The following DUSP5 variants were observed in gnomAD, a reference collection of about 807,000 sequenced individuals.
DUSP5 encodes dual specificity protein phosphatase 5.
DUSP5 carries 22 observed loss-of-function variants against 33.6 expected under a neutral mutation model. The ratio of observed to expected loss-of-function variants is 0.66; its 90% CI spans 0.47 to 0.94. DUSP5 has a LOEUF of 0.94. DUSP5 is among the 40% of genes least tolerant of loss of function. DUSP5 has a pLI of 0.00. For missense variants in DUSP5, 551 were observed against 522.1 expected (o/e 1.06, Z -0.54); for synonymous variants, 270 against 231.1 (o/e 1.17, Z -1.53).
intron 1 of DUSP5, among the ~76,000 whole-genome samples, chr10:110,499,734 G>T (rs1860017597): frequency 6.6e-6 from 1 of 152,160 alleles, no homozygotes; most frequent in African/African-American, 2.4e-5. Flanking sequence ...ATCCCCCAGG[G>T]GATAGAGGGT....
chr10:110,509,938 C>T (rs1308811520), intron 3 of DUSP5, 82 bp from the exon 4 acceptor site: 1 of 1,503,848 alleles, frequency 6.6e-7, no homozygotes, highest in Non-Finnish European at 8.9e-7. Context: ...ATCTAGGTTA[C>T]TCCAGTGTTT....
intron 1 of DUSP5, among the ~76,000 whole-genome samples, chr10:110,500,314 C>T (rs536891540): frequency 2.0e-5 from 3 of 152,294 alleles, no homozygotes; most frequent in South Asian, 4.1e-4. Context: ...CCAAGCAATG[C>T]GGTAGATGTC....
In DUSP5 at chr10:110,510,724, T is replaced by G; in HGVS notation, c.*298T>G. ...TGCACCTCAGAGTTCGCCTTTTCAT[T>G]TCAAGCATAAGGCAATAAATACCTG... On this transcript the variant is annotated 3_prime_UTR_variant, in exon 4 of 4. Coordinates refer to ENST00000369583, the MANE Select transcript of DUSP5 (RefSeq NM_004419.4). 1 of 316,616 alleles carries G rather than the reference T, an allele frequency of 3.2e-6. No individual in the cohort carries two copies. 19.6% of individuals were successfully genotyped at this position (316,616 alleles called of 1,614,324 possible). A position where few individuals can be genotyped will look rare whatever the true frequency, so the allele number is the denominator to read the frequency against.
At chr10:110,502,234 C>G (rs1860060960) in intron 1 of DUSP5, among the ~76,000 whole-genome samples, 1 of 152,116 alleles carries the variant, frequency 6.6e-6, no homozygotes, top group Admixed American at 6.5e-5. Context: ...GAAATGAAAC[C>G]TCGTATCAGC....
chr10:110,510,311 C>A lies in DUSP5; in HGVS notation c.1040C>A (p.Pro347His). The change falls in exon 4 of 4, where the codon CCT (proline) becomes CAT (histidine). Residue 347 changes from proline (P) to histidine (H), a missense_variant. By Grantham distance (77) the Pro-to-His change is moderately conservative. Transcript: ENST00000369583. Reference sequence around the variant, plus strand: ...ATAGGCCATTTGCAGACACTGAGCCCTGACATGCAGGGTGCCTACTGCACA... The same window carrying A: ...ATAGGCCATTTGCAGACACTGAGCCATGACATGCAGGGTGCCTACTGCACA... ...SLIGHLQTLS[P>H]DMQGAYCTFP... is the part of the protein sequence containing the mutation. 1 of 1,614,226 alleles carries A rather than the reference C, an allele frequency of 6.2e-7. No individual in the cohort carries two copies. The highest frequency in any genetic ancestry group is 8.5e-7 in the Non-Finnish European group (1 of 1,180,038).
intron 3 of DUSP5, among the ~76,000 whole-genome samples, chr10:110,508,207 C>G (rs749527616): frequency 2.6e-5 from 4 of 152,184 alleles, no homozygotes; most frequent in Non-Finnish European, 4.4e-5. Context: ...CGAGCCTGTC[C>G]TGCTTGTCCC....
chr10:110,498,794 C>T (rs1859998631), intron 1 of DUSP5, among the ~76,000 whole-genome samples: 1 of 152,044 alleles, frequency 6.6e-6, no homozygotes, highest in South Asian at 2.1e-4. Context: ...GCCGTCGGCT[C>T]GTGCCGGGCA....
intron 1 of DUSP5, among the ~76,000 whole-genome samples, chr10:110,501,819 GA>G (rs1296212925): frequency 6.6e-6 from 1 of 152,176 alleles, no homozygotes; most frequent in African/African-American, 2.4e-5. Context: ...CTTCCCCACT[GA>G]AATGGGCCCA....
chr10:110,498,990 C>T (rs909019794), intron 1 of DUSP5, among the ~76,000 whole-genome samples: 3 of 152,212 alleles, frequency 2.0e-5, no homozygotes, highest in African/African-American at 4.8e-5. Context: ...CCTTTTTGAC[C>T]TGGCGAGTCC....
rs1389987367 is a variant in DUSP5, at chr10:110,511,516, A to G, written c.*1090A>G. ...TTGTTGTTCTTGTTTTTTATAGTGT[A>G]AAATAAAAATAGTAAAAGGAGAAAA... On this transcript the variant is annotated 3_prime_UTR_variant, in exon 4 of 4. Coordinates refer to ENST00000369583, the MANE Select transcript of DUSP5 (RefSeq NM_004419.4). 1 of 152,616 alleles carries G rather than the reference A, an allele frequency of 6.6e-6. No individual in the cohort carries two copies. Among genetic ancestry groups the G allele is most frequent in the Non-Finnish European group, 1.5e-5 (1 of 68,044 alleles). The allele number at this position is 152,616 out of a possible 1,614,324, so 9.5% of individuals were successfully genotyped here.
Position 110,498,333 on chromosome 10 carries a change from C to T in DUSP5, c.212C>T (p.Ala71Val). Reference protein sequence around the residue: ...SARYVLPDEAARARLLQEGGG... With the variant: ...SARYVLPDEAVRARLLQEGGG... Reference sequence around the variant, plus strand: ...CGCTACGTGCTGCCCGACGAGGCGGCGCGCGCGCGGCTCCTGCAGGAGGGC... The same window carrying T: ...CGCTACGTGCTGCCCGACGAGGCGGTGCGCGCGCGGCTCCTGCAGGAGGGC... Residue 71 changes from alanine to valine, a missense_variant, in exon 1 of 4, where the codon GCG becomes GTG. Ala to Val is a moderately conservative substitution (Grantham distance 64). Transcript: ENST00000369583. 1 of 1,326,978 alleles carries T rather than the reference C, an allele frequency of 7.5e-7. No individual in the cohort carries two copies. Among genetic ancestry groups the T allele is most frequent in the Non-Finnish European group, 9.6e-7 (1 of 1,042,108 alleles). The allele number at this position is 1,326,978 out of a possible 1,614,324, so 82.2% of individuals were successfully genotyped here.
intron 2 of DUSP5, among the ~76,000 whole-genome samples, chr10:110,506,413 C>T (rs558933201): frequency 3.3e-5 from 5 of 151,916 alleles, no homozygotes; most frequent in South Asian, 2.1e-4. Flanking sequence ...GCCTGGGTGA[C>T]GGAGCAAGAC....
chr10:110,500,681 T>C (rs998239668), intron 1 of DUSP5, among the ~76,000 whole-genome samples: 2 of 152,194 alleles, frequency 1.3e-5, no homozygotes, highest in Non-Finnish European at 2.9e-5. Flanking sequence ...TCCCTGGTGA[T>C]GTGGTGGTGA....
chr10:110,509,954 T>C, intron 3 of DUSP5, 66 bp from the exon 4 acceptor site: 1 of 1,520,400 alleles, frequency 6.6e-7, no homozygotes. Context: ...TGTTTGATTC[T>C]TGTGTTTTGC....
intron 3 of DUSP5, 54 bp downstream of exon 3, chr10:110,507,208 T>C: frequency 6.4e-7 from 1 of 1,550,738 alleles, no homozygotes; most frequent in South Asian, 1.1e-5. Flanking sequence ...GGGGCATGTG[T>C]TCTTGACTTT....
chr10:110,498,901 A>G (rs1378537732), intron 1 of DUSP5, among the ~76,000 whole-genome samples: 1 of 151,642 alleles, frequency 6.6e-6, no homozygotes, highest in African/African-American at 2.4e-5. Context: ...GCAGGTCGCG[A>G]TCCACTCTCC....
At position 110,498,484 on chromosome 10, in the gene DUSP5, G is replaced by T. The variant is rs1490472698; in HGVS notation, c.363G>T (p.Arg121=). The T allele has an allele frequency of 6.5e-7, 1 of 1,541,922 alleles. No individual in the cohort carries two copies. The highest frequency in any genetic ancestry group is 8.7e-7 in the Non-Finnish European group (1 of 1,153,514). The stretch of plus-strand genomic sequence containing the variant: ...TCGCTTGCCTACCCGCCGGCCCGCG[G>T]GTCTACTTCCTCAAAGGTGAGCGCT... ...SLLACLPAGP[R]VYFLKGGYET... is the part of the protein sequence containing the mutation. The change falls in exon 1 of 4, where the codon CGG becomes CGT. Residue 121 remains arginine (R), a synonymous_variant. Coordinates refer to ENST00000369583, the MANE Select transcript of DUSP5 (RefSeq NM_004419.4).
At chr10:110,502,897 C>A in intron 2 of DUSP5, 28 bp downstream of exon 2, 1 of 1,613,322 alleles carries the variant, frequency 6.2e-7, no homozygotes, top group Non-Finnish European at 8.5e-7. Flanking sequence ...GAAGAGGTAT[C>A]CTGAGTGGTA....
chr10:110,507,943 C>T (rs1860138258), intron 3 of DUSP5, among the ~76,000 whole-genome samples: 1 of 152,212 alleles, frequency 6.6e-6, no homozygotes, highest in Non-Finnish European at 1.5e-5. Flanking sequence ...AGTCTCTAAC[C>T]TTGTGATCAT....
Sources: allele counts gnomAD v4.1 joint callset (sites outside exome capture counted in the v4.1 genomes callset), GRCh38; gene constraint gnomAD v4.1.1; transcripts MANE v1.5; gene names NCBI Gene and HGNC (gene_info 2026-07-23, HGNC 2026-07-21).